Variants in RPS12 observed in about 807,000 individuals in gnomAD.
The protein encoded by RPS12 is small ribosomal subunit protein eS12.
RPS12 carries 1 observed loss-of-function variant against 17.2 expected under a neutral mutation model. The observed-to-expected ratio is 0.06, with a 90% CI of 0.02 to 0.28. RPS12 has a LOEUF of 0.28. Among genes scored for constraint, RPS12 ranks in the 10% least tolerant of loss-of-function variants. The pLI, the probability that RPS12 is intolerant of heterozygous loss-of-function variation, is 1.00. For synonymous variants in RPS12, 67 were observed against 54.0 expected, an observed-to-expected ratio of 1.24 and a Z score of -1.06; for missense variants, 146 against 162.1, an observed-to-expected ratio of 0.90 and a Z score of 0.54.
chr6:132,814,797 C>T lies in RPS12; in HGVS notation c.14+15C>T, dbSNP rs753087324. ...GCCGAGGAAGGGTGAGCCCAGGGGC[C>T]GGGGTTGGAGTTGGGGTCGGGGTGC... On this transcript the variant is annotated intron_variant, in intron 2 of 5. Transcript: ENST00000230050. The T allele has an allele frequency of 4.3e-6, 7 of 1,611,612 alleles. No individual in the cohort carries two copies. In the Admixed American group the frequency reaches 1.2e-4, roughly 27 times the overall value.
At chr6:132,815,730 T>C (rs1401166336) in intron 3 of RPS12, 1 of 456,694 alleles carries the variant, frequency 2.2e-6, no homozygotes, top group Non-Finnish European at 4.4e-6. Flanking sequence ...AACGGCATTA[T>C]TGTTTAATGT....
chr6:132,815,533 G>A (rs1782029309), intron 3 of RPS12: 3 of 426,824 alleles, frequency 7.0e-6, no homozygotes, highest in African/African-American at 4.1e-5. Context: ...GAATTTAGTA[G>A]TATAATAGCT....
chr6:132,815,936 C>T, intron 3 of RPS12: 1 of 453,176 alleles, frequency 2.2e-6, no homozygotes, highest in Non-Finnish European at 4.4e-6. Flanking sequence ...CTACCAGGTT[C>T]AAGCGATTCT....
chr6:132,817,291 C>T, intron 5 of RPS12, 189 bp from the exon 6 acceptor site: 1 of 773,412 alleles, frequency 1.3e-6, no homozygotes, highest in Non-Finnish European at 2.3e-6. Context: ...ATAGTAAAGC[C>T]ATGTTACGAG....
chr6:132,815,929 C>G (rs1245582405), intron 3 of RPS12: 25 of 453,244 alleles, frequency 5.5e-5, no homozygotes, highest in Non-Finnish European at 8.8e-6. Flanking sequence ...CCTCTACCTA[C>G]CAGGTTCAAG....
Position 132,817,050 on chromosome 6 carries a change from G to A in RPS12, c.325G>A (p.Val109Ile), listed in dbSNP as rs1782078918. The A allele has an allele frequency of 3.1e-6, 5 of 1,601,450 alleles. No homozygotes were observed. The highest frequency in any genetic ancestry group is 4.3e-6 in the Non-Finnish European group (5 of 1,169,972). ...CCGTAAAGTGGTTGGTTGCAGTTGT[G>A]TAGTAGTTAAGGTAAGTCACCGTTT... ...KPRKVVGCSC[V>I]VVKDYGKESQ... The change falls in exon 5 of 6, where the codon GTA (valine) becomes ATA (isoleucine). Residue 109 changes from valine (V) to isoleucine (I), a missense_variant. This residue lies in a region of RPS12 where 29 missense variants were observed against 57.5 expected (regional missense o/e 0.50). Transcript: ENST00000230050.
chr6:132,815,278 G>A (rs1216390584), intron 3 of RPS12, 190 bp downstream of exon 3: 3 of 745,000 alleles, frequency 4.0e-6, no homozygotes, highest in Non-Finnish European at 7.4e-6. Flanking sequence ...TTGCTGTTTG[G>A]AATGGGGATA....
intron 5 of RPS12, 43 bp downstream of exon 5, chr6:132,817,104 A>G (rs750352923): frequency 1.9e-5 from 23 of 1,198,712 alleles, no homozygotes; most frequent in Non-Finnish European, 2.7e-5. Flanking sequence ...ATGCTGGGTA[A>G]TCATATAAAA....
chr6:132,814,735 G>A lies in RPS12; in HGVS notation c.-34G>A. The A allele has an allele frequency of 1.2e-6, 2 of 1,611,678 alleles. No homozygotes were observed. The highest frequency in any genetic ancestry group is 1.7e-6 in the Non-Finnish European group (2 of 1,178,006). The stretch of plus-strand genomic sequence containing the variant: ...AGTCAATGCTTTTGTTTTTTAGTGC[G>A]TTCAAGATTCAACTTCACCCGTAAC... On this transcript the variant is annotated 5_prime_UTR_variant, in exon 2 of 6. Transcript: ENST00000230050.
chr6:132,815,873 T>C (rs1170504227), intron 3 of RPS12: 3 of 443,098 alleles, frequency 6.8e-6, no homozygotes, highest in East Asian at 1.4e-4. Flanking sequence ...CAAAGAGTCT[T>C]GCTCTGTCCC....
intron 3 of RPS12, chr6:132,815,579 T>C (rs1432667061): frequency 2.2e-6 from 1 of 452,840 alleles, no homozygotes; most frequent in Admixed American, 2.4e-5. Context: ...TGTTAATGTA[T>C]TTGAATGGAT....
At chr6:132,816,430 A>G in intron 3 of RPS12, 31 bp from the exon 4 acceptor site, 1 of 1,518,928 alleles carries the variant, frequency 6.6e-7, no homozygotes, top group Non-Finnish European at 9.1e-7. Context: ...TCTGAGTTTT[A>G]GCTCCATTTT....
intron 4 of RPS12, 44 bp downstream of exon 4, chr6:132,816,607 C>T: frequency 7.8e-7 from 1 of 1,287,728 alleles, no homozygotes; most frequent in Non-Finnish European, 1.1e-6. Context: ...TTCAGTGATG[C>T]TTGTATATGG....
At chr6:132,815,446 A>T in intron 3 of RPS12, 1 of 491,056 alleles carries the variant, frequency 2.0e-6, no homozygotes, top group African/African-American at 2.0e-5. Flanking sequence ...GAGCCACATT[A>T]CATCTGGTAG....
At chr6:132,816,091 C>A (rs1352898981) in intron 3 of RPS12, 1 of 373,764 alleles carries the variant, frequency 2.7e-6, no homozygotes, top group African/African-American at 2.1e-5. Context: ...CCCTCGTCTT[C>A]CCAAAGTGCT....
At chr6:132,817,158 T>G in intron 5 of RPS12, 97 bp downstream of exon 5, 8 of 862,662 alleles carry the variant, frequency 9.3e-6, no homozygotes, top group Non-Finnish European at 2.0e-6. Context: ...AGGAAAAAAC[T>G]GATTCAACAG....
At chr6:132,816,325 G>A in intron 3 of RPS12, 136 bp from the exon 4 acceptor site, 1 of 641,608 alleles carries the variant, frequency 1.6e-6, no homozygotes, top group East Asian at 2.7e-5. Flanking sequence ...AAGCAATTTT[G>A]TACGCATTTA....
rs3778666 is a variant in RPS12 at position 132,816,028 on chromosome 6, C to T, written c.132-433C>T. The T allele has an allele frequency of 9.7e-5, 40 of 411,530 alleles. 1 individual carries two copies. Among genetic ancestry groups the T allele is most frequent in the South Asian group, 5.3e-4 (30 of 56,366 alleles). 25.5% of individuals were successfully genotyped at this position (411,530 alleles called of 1,614,324 possible). A position where few individuals can be genotyped will look rare whatever the true frequency, so the allele number is the denominator to read the frequency against. ...TGTACTTTCAGTAGAAACGGGGTTT[C>T]GCCATGTTGGTCTCTGGCTGGTCTG... On this transcript the variant is annotated intron_variant, in intron 3 of 5. Transcript: ENST00000230050.
chr6:132,815,392 G>A (rs1782025004), intron 3 of RPS12: 1 of 577,172 alleles, frequency 1.7e-6, no homozygotes, highest in Non-Finnish European at 3.3e-6. Context: ...GTAGGTTGTG[G>A]AGCTAGTCAG....
Sources: gnomAD v4.1 joint callset for allele counts on GRCh38, gnomAD v4.1.1 for gene constraint, gnomAD v4.1.1 regional missense constraint, MANE v1.5 for transcripts, NCBI Gene and HGNC (gene_info 2026-07-23, HGNC 2026-07-21) for gene names.